The following ARNT2 variants were observed in gnomAD, a reference collection of about 807,000 sequenced individuals.
ARNT2 encodes ARNT protein 2.
Under a neutral mutation model 91.7 loss-of-function variants are expected in ARNT2, and 36 were observed. That is an observed-to-expected ratio of 0.39 (90% CI 0.30 to 0.52). ARNT2 has a LOEUF of 0.52. Among genes scored for constraint, ARNT2 ranks in the 20% least tolerant of loss-of-function variants. The probability of loss-of-function intolerance (pLI) is 0.72; values close to 1 mark genes in which losing one functional copy is unlikely to be tolerated. For synonymous variants in ARNT2, 365 were observed against 347.1 expected (o/e 1.05, Z -0.57); for missense variants, 775 against 939.3 (o/e 0.83, Z 2.29).
At chr15:80,442,558 C>T (rs1263273016) in intron 1 of ARNT2, among the ~76,000 whole-genome samples, 4 of 152,262 alleles carry the variant, frequency 2.6e-5, no homozygotes. Flanking sequence ...ACCACTTTCT[C>T]ACAGCAACCT....
chr15:80,504,848 T>A (rs965608889), intron 5 of ARNT2, among the ~76,000 whole-genome samples: 2 of 150,170 alleles, frequency 1.3e-5, no homozygotes, highest in East Asian at 3.9e-4. Flanking sequence ...GGGCCAGGGA[T>A]GAGAGAGTGG....
chr15:80,565,641 C>G lies in ARNT2; in HGVS notation c.1316+2402C>G, dbSNP rs773007313. ...TTCTCTGGTGGTTAGCGATGATGAG[C>G]ATTTTTTTCATTTGTTTGTTGGCTG... On this transcript the variant is annotated intron_variant, in intron 12 of 18. Coordinates refer to ENST00000303329, the MANE Select transcript of ARNT2 (RefSeq NM_014862.4). Among the ~76,000 whole-genome samples, 31 of 151,670 alleles carry G rather than the reference C, an allele frequency of 2.0e-4. 1 individual carries two copies. Among genetic ancestry groups the G allele is most frequent in the East Asian group, 3.9e-4 (2 of 5,154 alleles).
chr15:80,567,848 T>C (rs1898514771), intron 12 of ARNT2, among the ~76,000 whole-genome samples: 1 of 152,194 alleles, frequency 6.6e-6, no homozygotes, highest in South Asian at 2.1e-4. Flanking sequence ...CTGTGGACGG[T>C]AGAGGGCAGT....
At chr15:80,506,228 G>A (rs1022360357) in intron 5 of ARNT2, among the ~76,000 whole-genome samples, 15 of 152,292 alleles carry the variant, frequency 9.8e-5, no homozygotes, top group Admixed American at 5.2e-4. Flanking sequence ...GAGCCACCGC[G>A]CCCGGCCCCA....
At chr15:80,562,472 T>A (rs113742708) in intron 11 of ARNT2, among the ~76,000 whole-genome samples, 3,628 of 152,298 alleles carry the variant, frequency 0.024, 142 homozygotes, top group African/African-American at 0.083. Context: ...ACCAAACTCT[T>A]ATGAGGCTCT....
intron 8 of ARNT2, among the ~76,000 whole-genome samples, chr15:80,530,645 T>G (rs1365001486): frequency 3.3e-5 from 5 of 152,158 alleles, no homozygotes; most frequent in Non-Finnish European, 7.4e-5. Context: ...TGTTGTAAAT[T>G]GGGGAGGGAC....
intron 18 of ARNT2, among the ~76,000 whole-genome samples, chr15:80,592,690 T>C (rs1347502048): frequency 1.3e-5 from 2 of 152,238 alleles, no homozygotes; most frequent in Non-Finnish European, 2.9e-5. Context: ...ACCCAGGCCT[T>C]CGCCTGCCTC....
chr15:80,593,738 A>T lies in ARNT2; in HGVS notation c.*40A>T, dbSNP rs1291746132. ...AGGCTCCTGCTGTACAGTGCCACCC[A>T]TACTGTGATGTCGATGCCCATGTGA... On this transcript the variant is annotated 3_prime_UTR_variant, in exon 19 of 19. Transcript: ENST00000303329. 1 of 1,536,636 alleles carries T rather than the reference A, an allele frequency of 6.5e-7. No individual in the cohort carries two copies. Among genetic ancestry groups the T allele is most frequent in the South Asian group, 1.2e-5 (1 of 85,386 alleles).
chr15:80,506,577 G>A (rs1390669581), intron 5 of ARNT2, among the ~76,000 whole-genome samples: 2 of 152,190 alleles, frequency 1.3e-5, no homozygotes, highest in Non-Finnish European at 1.5e-5. Context: ...CTCAAATTGG[G>A]TTCTGCAAGG....
At chr15:80,561,990 C>T (rs1898365862) in intron 11 of ARNT2, among the ~76,000 whole-genome samples, 1 of 152,008 alleles carries the variant, frequency 6.6e-6, no homozygotes, top group Admixed American at 6.6e-5. Context: ...TGGTACTATT[C>T]ACAATTCCAA....
At chr15:80,467,209 A>G (rs1456926835) in intron 3 of ARNT2, among the ~76,000 whole-genome samples, 2 of 152,152 alleles carry the variant, frequency 1.3e-5, no homozygotes, top group African/African-American at 2.4e-5. Flanking sequence ...CTGGAGAAAA[A>G]GGCTGGGAAA....
intron 2 of ARNT2, among the ~76,000 whole-genome samples, chr15:80,452,510 A>T (rs1444791660): frequency 1.3e-5 from 2 of 152,252 alleles, no homozygotes; most frequent in African/African-American, 4.8e-5. Context: ...CTAAAAGAAG[A>T]CAAGAGGTGT....
intron 8 of ARNT2, among the ~76,000 whole-genome samples, chr15:80,517,419 TA>T (rs1002512177): frequency 2.0e-5 from 3 of 152,120 alleles, no homozygotes; most frequent in African/African-American, 4.8e-5. Flanking sequence ...ATAACATGCC[TA>T]AATATAGAGG....
chr15:80,473,035 T>C (rs922286407), intron 4 of ARNT2, among the ~76,000 whole-genome samples: 2 of 152,126 alleles, frequency 1.3e-5, no homozygotes, highest in African/African-American at 2.4e-5. Context: ...GTGATGATAA[T>C]GGTTACATTT....
At chr15:80,552,021 A>G (rs1898089493) in intron 9 of ARNT2, among the ~76,000 whole-genome samples, 1 of 152,162 alleles carries the variant, frequency 6.6e-6, no homozygotes, top group Non-Finnish European at 1.5e-5. Context: ...CACTCATTCA[A>G]CTGGACTGTT....
At chr15:80,587,408 G>A (rs181317174) in intron 17 of ARNT2, among the ~76,000 whole-genome samples, 1 of 151,898 alleles carries the variant, frequency 6.6e-6, no homozygotes, top group Non-Finnish European at 1.5e-5. Flanking sequence ...TGGTTTGGTG[G>A]GGGGGTGGGG....
chr15:80,450,280 C>T lies in ARNT2; in HGVS notation c.32-600C>T, dbSNP rs909553904. Among the ~76,000 whole-genome samples the T allele has an allele frequency of 2.6e-5, 4 of 152,340 alleles. No individual in the cohort carries two copies. In the South Asian group the frequency reaches 8.3e-4, roughly 32 times the overall value. On this transcript the variant is annotated intron_variant, in intron 1 of 18. Coordinates refer to ENST00000303329, the MANE Select transcript of ARNT2 (RefSeq NM_014862.4). ...CTCTGGAGATCCAGGAAGCCTCAGCCTGGCCTGCTATAGCCTGAAGTGATG... is the reference window on the plus strand; with the variant it reads ...CTCTGGAGATCCAGGAAGCCTCAGCTTGGCCTGCTATAGCCTGAAGTGATG...
intron 5 of ARNT2, among the ~76,000 whole-genome samples, chr15:80,481,925 A>G (rs563977440): frequency 5.3e-5 from 8 of 152,132 alleles, no homozygotes; most frequent in African/African-American, 1.4e-4. Flanking sequence ...TTGTAGAGAC[A>G]AGGTCTTGCT....
chr15:80,498,513 C>T (rs560456923), intron 5 of ARNT2, among the ~76,000 whole-genome samples: 2 of 152,278 alleles, frequency 1.3e-5, no homozygotes, highest in Admixed American at 1.3e-4. Context: ...TAGGCAAAAG[C>T]TAGGCTGTCC....
Sources: allele counts gnomAD v4.1 joint callset (sites outside exome capture counted in the v4.1 genomes callset), GRCh38; gene constraint gnomAD v4.1.1; transcripts MANE v1.5; gene names NCBI Gene and HGNC (gene_info 2026-07-23, HGNC 2026-07-21).